Variants in MAPK9 observed in about 807,000 individuals in gnomAD.
MAPK9 encodes the protein mitogen-activated protein kinase 9.
A neutral mutation model predicts 57.1 loss-of-function variants in MAPK9; 30 were observed. The observed-to-expected ratio is 0.53, with a 90% CI of 0.39 to 0.71. MAPK9 has a LOEUF of 0.71. Among genes scored for constraint, MAPK9 ranks in the 30% least tolerant of loss-of-function variants. MAPK9 has a pLI of 0.00. For synonymous variants in MAPK9, 155 were observed against 177.0 expected, an observed-to-expected ratio of 0.88 and a Z score of 0.99; for missense variants, 362 against 521.0, an observed-to-expected ratio of 0.69 and a Z score of 2.97.
intron 3 of MAPK9, among the ~76,000 whole-genome samples, chr5:180,267,299 C>T (rs1290796630): frequency 3.3e-5 from 5 of 152,054 alleles, no homozygotes; most frequent in Non-Finnish European, 4.4e-5. Context: ...CGGTGGCTCA[C>T]GCCTGTAATC....
intron 4 of MAPK9, 135 bp downstream of exon 4, chr5:180,264,646 C>T: frequency 5.2e-6 from 4 of 769,296 alleles, no homozygotes; most frequent in Non-Finnish European, 7.9e-6. Context: ...TATTTCTCTG[C>T]AACAGAGAAA....
chr5:180,238,008 G>C (rs1037751070), intron 11 of MAPK9: 2 of 185,900 alleles, frequency 1.1e-5, no homozygotes, highest in South Asian at 1.0e-4. Flanking sequence ...ATGGTGGTGC[G>C]TGCCTGTAAT....
intron 5 of MAPK9, among the ~76,000 whole-genome samples, chr5:180,256,651 G>C (rs565800329): frequency 1.3e-5 from 2 of 152,194 alleles, no homozygotes; most frequent in East Asian, 1.9e-4. Context: ...TTTTCTGAAG[G>C]CTTCTTAGGT....
At chr5:180,286,488 A>G (rs1232738283) in intron 1 of MAPK9, among the ~76,000 whole-genome samples, 1 of 151,728 alleles carries the variant, frequency 6.6e-6, no homozygotes, top group Non-Finnish European at 1.5e-5. Flanking sequence ...TAACAACGTA[A>G]TCTTTCTTTG....
At chr5:180,253,077 A>G (rs1758880397) in intron 5 of MAPK9, among the ~76,000 whole-genome samples, 1 of 151,930 alleles carries the variant, frequency 6.6e-6, no homozygotes, top group Admixed American at 6.6e-5. Flanking sequence ...GTCTGCACCT[A>G]CCCTCTGTCC....
rs1367468800 is a variant in MAPK9, at chr5:180,241,599, A to G, written c.872-444T>C. 3.9e-5 allele frequency among the ~76,000 whole-genome samples: 6 copies of G among 152,376 alleles called. No individual in the cohort carries two copies. In the South Asian group the frequency reaches 1.0e-3, roughly 26 times the overall value. On this transcript the variant is annotated intron_variant, in intron 8 of 11. Coordinates refer to ENST00000452135, the MANE Select transcript of MAPK9 (RefSeq NM_002752.5). ...CAGGCGTGAGCCGCCGCACCCAGCC[A>G]TAACCCAAACATTTTTAAGAAAAAG...
At chr5:180,252,134 T>C (rs1207793706) in intron 5 of MAPK9, among the ~76,000 whole-genome samples, 1 of 152,042 alleles carries the variant, frequency 6.6e-6, no homozygotes, top group African/African-American at 2.4e-5. Context: ...CTGGGCCAGG[T>C]CTCTTGCGGC....
At chr5:180,276,709 C>A (rs149338720) in intron 2 of MAPK9, among the ~76,000 whole-genome samples, 3,939 of 152,238 alleles carry the variant, frequency 0.026, 77 homozygotes, top group Non-Finnish European at 0.041. Flanking sequence ...AAAAAATTAG[C>A]TGGGCGTGGT....
At chr5:180,243,648 T>C (rs1345382420) in intron 7 of MAPK9, among the ~76,000 whole-genome samples, 1 of 152,192 alleles carries the variant, frequency 6.6e-6, no homozygotes, top group Non-Finnish European at 1.5e-5. Context: ...CCTAGGGAAC[T>C]GGTACATGAA....
intron 9 of MAPK9, 42 bp downstream of exon 9, chr5:180,240,989 G>C: frequency 6.3e-7 from 1 of 1,583,142 alleles, no homozygotes; most frequent in Non-Finnish European, 8.6e-7. Context: ...GGAAATATAA[G>C]CCTGGCCTCT....
At chr5:180,273,411 T>C (rs933966472) in intron 2 of MAPK9, among the ~76,000 whole-genome samples, 31 of 152,088 alleles carry the variant, frequency 2.0e-4, no homozygotes, top group African/African-American at 7.5e-4. Context: ...AAAGTGGAGA[T>C]GGGGGGAGTC....
rs1758251144 is a variant in MAPK9, at chr5:180,247,641, C to T, written c.617-131G>A. On this transcript the variant is annotated intron_variant, in intron 6 of 11. Transcript: ENST00000452135. This position sits in a 1 kb window ranked among gnomAD's most constrained non-coding sequence, Gnocchi z 4.5. The stretch of plus-strand genomic sequence containing the variant: ...ATTGCTAGCTAAGGGTGACATTTTA[C>T]ACAATATGAATGATTGCTGACCTCT... 14 of 980,122 alleles carry T rather than the reference C, an allele frequency of 1.4e-5. No homozygotes were observed. In the Middle Eastern group the frequency reaches 1.7e-3, roughly 120 times the overall value. The allele number at this position is 980,122 out of a possible 1,614,324, so 60.7% of individuals were successfully genotyped here.
Position 180,236,335 on chromosome 5 carries a change from C to T in MAPK9, c.*49G>A, listed in dbSNP as rs774537614. ...TCAACTCCCAAGCATTTCAGGCCCA[C>T]GGAGGTGAGAGTTCCTTCAATGCTG... On this transcript the variant is annotated 3_prime_UTR_variant, in exon 12 of 12. Transcript: ENST00000452135. 1.2e-5 allele frequency: 18 copies of T among 1,552,672 alleles called. No homozygotes were observed. Among genetic ancestry groups the T allele is most frequent in the South Asian group, 7.3e-5 (6 of 82,704 alleles).
intron 7 of MAPK9, among the ~76,000 whole-genome samples, chr5:180,243,627 C>G (rs539428961): frequency 6.6e-6 from 1 of 152,300 alleles, no homozygotes; most frequent in South Asian, 2.1e-4. Context: ...ACTTACATCA[C>G]CATGAAATAA....
chr5:180,286,955 C>T (rs1317827967), intron 1 of MAPK9: 1 of 152,250 alleles, frequency 6.6e-6, no homozygotes. Context: ...GAATACCACT[C>T]AGCAACTGCT....
At chr5:180,256,968 T>C (rs1246740201) in intron 5 of MAPK9, among the ~76,000 whole-genome samples, 1 of 152,192 alleles carries the variant, frequency 6.6e-6, no homozygotes, top group Non-Finnish European at 1.5e-5. Context: ...TGAAGGTCTG[T>C]GGAAACTTCA....
chr5:180,281,563 C>T (rs1206080325), intron 1 of MAPK9, among the ~76,000 whole-genome samples: 5 of 152,192 alleles, frequency 3.3e-5, no homozygotes, highest in East Asian at 1.9e-4. Flanking sequence ...CATTCTATAC[C>T]GTTTAAGACT....
At chr5:180,267,234 A>G (rs1440144846) in intron 3 of MAPK9, among the ~76,000 whole-genome samples, 1 of 152,170 alleles carries the variant, frequency 6.6e-6, no homozygotes, top group Non-Finnish European at 1.5e-5. Context: ...AATAATATAT[A>G]TTTTTTGTAA....
intron 9 of MAPK9, among the ~76,000 whole-genome samples, chr5:180,240,296 T>C (rs934937447): frequency 6.6e-6 from 1 of 152,262 alleles, no homozygotes; most frequent in Non-Finnish European, 1.5e-5. Flanking sequence ...AGACCCATTA[T>C]GGACAAGGCA....
Sources: gnomAD v4.1 joint callset for allele counts (sites outside exome capture counted in the v4.1 genomes callset) on GRCh38, gnomAD v4.1.1 for gene constraint, Gnocchi (gnomAD v3.1) non-coding constraint, MANE v1.5 for transcripts, NCBI Gene and HGNC (gene_info 2026-07-23, HGNC 2026-07-21) for gene names.